The following HERC3 variants were observed in gnomAD, a reference collection of about 807,000 sequenced individuals.
The protein encoded by HERC3 is probable E3 ubiquitin-protein ligase HERC3.
In HERC3, 58 loss-of-function variants were observed where a neutral mutation model predicts 129.9. That is an observed-to-expected ratio of 0.45 (90% CI 0.36 to 0.56). The LOEUF (loss-of-function observed/expected upper bound fraction) is 0.56, where lower values mean the gene tolerates loss of function less well. Ranked by LOEUF, HERC3 falls within the 20% of genes least tolerant of loss-of-function variation. The pLI is 0.00. For missense variants in HERC3, 835 were observed against 1,244.2 expected (o/e 0.67, Z 4.95); for synonymous variants, 430 against 451.0 (o/e 0.95, Z 0.59).
chr4:88,533,721 A>G, the HERC3 span, among the ~76,000 whole-genome samples: 13 of 152,224 alleles, frequency 8.5e-5, no homozygotes, highest in African/African-American at 3.1e-4. Context: ...TCATGATTCT[A>G]ATCTAGGCCT....
chr4:88,552,394 A>G, the HERC3 span, among the ~76,000 whole-genome samples: 2 of 152,112 alleles, frequency 1.3e-5, no homozygotes, highest in African/African-American at 4.8e-5. Context: ...CTGAGATTAC[A>G]GGCACGTGCC....
At chr4:88,677,937 A>G (rs1732343542) in intron 18 of HERC3, 27 bp from the exon 19 acceptor site, 1 of 1,606,114 alleles carries the variant, frequency 6.2e-7, no homozygotes, top group Non-Finnish European at 8.5e-7. Context: ...GCTCTGAGTA[A>G]TTGCTTTCTT....
At chr4:88,583,777 T>C in the HERC3 span, 1 of 152,152 alleles carries the variant, frequency 6.6e-6, no homozygotes, top group Non-Finnish European at 1.5e-5. Context: ...GGAGTACAGC[T>C]CCCCACATAC....
At chr4:88,596,290 ACT>A (rs754447701) in intron 2 of HERC3, among the ~76,000 whole-genome samples, 1 of 151,992 alleles carries the variant, frequency 6.6e-6, no homozygotes, top group Non-Finnish European at 1.5e-5. Context: ...TGATAATATA[ACT>A]CTGTCCCCTT....
chr4:88,696,327 C>T (rs534824315), intron 23 of HERC3: 62 of 152,710 alleles, frequency 4.1e-4, no homozygotes, highest in African/African-American at 1.4e-3. Flanking sequence ...CGTCACAAGG[C>T]GCAAAGTACA....
At chr4:88,666,516 C>A (rs952724994) in intron 12 of HERC3, among the ~76,000 whole-genome samples, 1 of 151,868 alleles carries the variant, frequency 6.6e-6, no homozygotes, top group African/African-American at 2.4e-5. Context: ...CATAGGGTTC[C>A]GATACATATA....
At chr4:88,655,767 C>G (rs1729827327) in intron 8 of HERC3, 108 bp from the exon 9 acceptor site, 4 of 1,114,324 alleles carry the variant, frequency 3.6e-6, no homozygotes, top group South Asian at 3.1e-5. Context: ...GGGAAAGGCT[C>G]TATAGGAGCA....
Position 88,655,056 on chromosome 4 carries a change from A to G in HERC3, c.778-118A>G, listed in dbSNP as rs887591580. On this transcript the variant is annotated intron_variant, in intron 7 of 25. Coordinates refer to ENST00000402738, the MANE Select transcript of HERC3 (RefSeq NM_014606.3). ...CATCCTTACAAAGTGATTTTGGCCA[A>G]GTGTCAAGTGAATGTAGTGCTCTTG... 8.5e-6 allele frequency: 8 copies of G among 941,332 alleles called. No individual in the cohort carries two copies. In the African/African-American group the frequency reaches 1.3e-4, roughly 16 times the overall value. The allele number at this position is 941,332 out of a possible 1,614,324, so 58.3% of individuals were successfully genotyped here. A position where few individuals can be genotyped will look rare whatever the true frequency, so the allele number is the denominator to read the frequency against.
chr4:88,664,221 C>A lies in HERC3; in HGVS notation c.1331+9C>A. 17 of 1,609,298 alleles carry A rather than the reference C, an allele frequency of 1.1e-5. No homozygotes were observed. Among genetic ancestry groups the A allele is most frequent in the Non-Finnish European group, 1.4e-5 (17 of 1,176,136 alleles). ...AGTTTTCTTGAAAAAAAGTAAGTGA[C>A]TTAGAGCCTTAAAAAACCCTCACGT... is the stretch of plus-strand genomic sequence containing the variant. On this transcript the variant is annotated intron_variant, in intron 12 of 25. Coordinates refer to ENST00000402738, the MANE Select transcript of HERC3 (RefSeq NM_014606.3).
upstream of HERC3, among the ~76,000 whole-genome samples, chr4:88,591,290 T>C (rs1489660158): frequency 1.3e-5 from 2 of 152,238 alleles, no homozygotes; most frequent in Non-Finnish European, 2.9e-5. Flanking sequence ...CTTTTTTAGC[T>C]TTCTTGTCTC....
intron 23 of HERC3, among the ~76,000 whole-genome samples, 195 bp from the exon 24 acceptor site, chr4:88,703,903 T>C (rs1302278905): frequency 6.6e-6 from 1 of 151,938 alleles, no homozygotes; most frequent in Non-Finnish European, 1.5e-5. Flanking sequence ...CTGAGGCACT[T>C]GGTGGAATGT....
At chr4:88,622,820 T>C (rs1484629477) in intron 3 of HERC3, among the ~76,000 whole-genome samples, 1 of 151,940 alleles carries the variant, frequency 6.6e-6, no homozygotes, top group Non-Finnish European at 1.5e-5. Context: ...TCCCAGCTAC[T>C]CGGGAGGCTG....
chr4:88,684,632 T>A (rs1733194487), intron 21 of HERC3, among the ~76,000 whole-genome samples: 1 of 152,060 alleles, frequency 6.6e-6, no homozygotes, highest in South Asian at 2.1e-4. Flanking sequence ...TCGGATCTAA[T>A]CGAACTAAAG....
At chr4:88,566,011 G>T in the HERC3 span, among the ~76,000 whole-genome samples, 1 of 151,900 alleles carries the variant, frequency 6.6e-6, no homozygotes, top group Non-Finnish European at 1.5e-5. Context: ...GGGTACAAGT[G>T]TAGGTTTGTT....
chr4:88,681,034 G>T, intron 20 of HERC3, 125 bp from the exon 21 acceptor site: 1 of 1,448,008 alleles, frequency 6.9e-7, no homozygotes, highest in East Asian at 2.4e-5. Context: ...TGCTACAGAA[G>T]GTAACTAAAT....
intron 3 of HERC3, among the ~76,000 whole-genome samples, chr4:88,645,078 G>A (rs1175130059): frequency 6.6e-6 from 1 of 152,068 alleles, no homozygotes; most frequent in African/African-American, 2.4e-5. Context: ...GCGGTTTGCC[G>A]AGATACAGTG....
intron 3 of HERC3, among the ~76,000 whole-genome samples, chr4:88,626,887 G>A (rs1393546908): frequency 1.3e-5 from 2 of 151,676 alleles, no homozygotes; most frequent in Admixed American, 6.6e-5. Context: ...TGTTTGTTTT[G>A]TTTTCTGTTT....
At chr4:88,531,681 G>A in the HERC3 span, among the ~76,000 whole-genome samples, 243 of 152,268 alleles carry the variant, frequency 1.6e-3, 1 homozygote, top group African/African-American at 5.6e-3. Context: ...TTATAGATAG[G>A]GTTCTGGCTA....
intron 3 of HERC3, among the ~76,000 whole-genome samples, chr4:88,621,427 A>T (rs888312336): frequency 2.6e-5 from 4 of 152,196 alleles, no homozygotes; most frequent in Non-Finnish European, 4.4e-5. Flanking sequence ...TTTTTGGATA[A>T]ATGAATGATT....
Sources: gnomAD v4.1 joint callset for allele counts (sites outside exome capture counted in the v4.1 genomes callset) on GRCh38, gnomAD v4.1.1 for gene constraint, MANE v1.5 for transcripts, NCBI Gene and HGNC (gene_info 2026-07-23, HGNC 2026-07-21) for gene names.